Variants in AP2M1 observed in about 807,000 individuals in gnomAD.
AP2M1 encodes the protein AP-2 complex subunit mu.
In AP2M1, 5 loss-of-function variants were observed where a neutral mutation model predicts 54.5. The observed-to-expected ratio is 0.09, with a 90% CI of 0.05 to 0.19. The LOEUF is 0.19. Among genes scored for constraint, AP2M1 ranks in the 10% least tolerant of loss-of-function variants. The pLI is 1.00. For missense variants in AP2M1, 178 were observed against 580.2 expected, an observed-to-expected ratio of 0.31 and a Z score of 7.12; for synonymous variants, 186 against 208.2, an observed-to-expected ratio of 0.89 and a Z score of 0.92.
Position 184,181,551 on chromosome 3 carries a change from A to C in AP2M1, c.708-145A>C. ...CTTGCAAGGCTTCCCTCTCATCCCA[A>C]GCTCTGGGGCAGACCTCCGAGTCAC... On this transcript the variant is annotated intron_variant, in intron 7 of 11. Transcript: ENST00000292807. This position sits in a 1 kb window ranked among gnomAD's most constrained non-coding sequence, Gnocchi z 5.7. The C allele has an allele frequency of 8.5e-7, 1 of 1,181,574 alleles. No homozygotes were observed. The highest frequency in any genetic ancestry group is 1.2e-6 in the Non-Finnish European group (1 of 843,248). 73.2% of individuals were successfully genotyped at this position (1,181,574 alleles called of 1,614,324 possible).
Position 184,181,657 on chromosome 3 carries a change from C to T in AP2M1, c.708-39C>T. The T allele has an allele frequency of 6.2e-7, 1 of 1,611,150 alleles. No homozygotes were observed. Among genetic ancestry groups the T allele is most frequent in the Non-Finnish European group, 8.5e-7 (1 of 1,179,024 alleles). On this transcript the variant is annotated intron_variant, in intron 7 of 11. Coordinates refer to ENST00000292807, the MANE Select transcript of AP2M1 (RefSeq NM_004068.4). This position sits in a 1 kb window ranked among gnomAD's most constrained non-coding sequence, Gnocchi z 5.7. ...GTCTCCCAGCATGACAGCTGTCATT[C>T]TCCTGTACCAATGAGACCTCTTCTG...
intron 2 of AP2M1, chr3:184,177,775 T>G (rs1715124991): frequency 1.5e-6 from 1 of 666,864 alleles, no homozygotes; most frequent in East Asian, 2.7e-5. Flanking sequence ...AAGGGACCTA[T>G]CCTAGCCTCC....
Position 184,178,122 on chromosome 3 carries a change from C to T in AP2M1, c.75-735C>T. On this transcript the variant is annotated intron_variant, in intron 2 of 11. Transcript: ENST00000292807. The surrounding 1 kb of genome is among the most constrained non-coding windows in gnomAD (Gnocchi z 4.9). ...CTGCCTCACGGTGTGTGCCGCCCTC[C>T]CGGTGTGTTGTGTGTCTAACCCTCT... 7.1e-7 allele frequency: 1 copy of T among 1,415,618 alleles called. No homozygotes were observed. Among genetic ancestry groups the T allele is most frequent in the East Asian group, 2.5e-5 (1 of 40,282 alleles). The allele number at this position is 1,415,618 out of a possible 1,614,324, so 87.7% of individuals were successfully genotyped here. A position where few individuals can be genotyped will look rare whatever the true frequency, so the allele number is the denominator to read the frequency against.
Position 184,182,928 on chromosome 3 carries a change from C to A in AP2M1, c.1173+60C>A. ...GTATGCTGGAAGACCTCTTAGAGAT[C>A]ATTCCGATAAACTGCTGCACCTTAG... On this transcript the variant is annotated intron_variant, in intron 11 of 11. Transcript: ENST00000292807. This position sits in a 1 kb window ranked among gnomAD's most constrained non-coding sequence, Gnocchi z 5.5. 2 of 1,443,164 alleles carry A rather than the reference C, an allele frequency of 1.4e-6. No homozygotes were observed. Among genetic ancestry groups the A allele is most frequent in the Non-Finnish European group, 1.9e-6 (2 of 1,031,906 alleles). 89.4% of individuals were successfully genotyped at this position (1,443,164 alleles called of 1,614,324 possible).
intron 3 of AP2M1, chr3:184,179,356 G>T: frequency 1.8e-6 from 1 of 549,508 alleles, no homozygotes; most frequent in South Asian, 2.2e-5. Context: ...TCTTCCAAGG[G>T]GCTAGGAACC....
In AP2M1 at chr3:184,183,799, C is replaced by A. The variant is rs2109033087; in HGVS notation, c.*183C>A. On this transcript the variant is annotated 3_prime_UTR_variant, in exon 12 of 12. Coordinates refer to ENST00000292807, the MANE Select transcript of AP2M1 (RefSeq NM_004068.4). This position sits in a 1 kb window ranked among gnomAD's most constrained non-coding sequence, Gnocchi z 5.7. Reference sequence around the variant, plus strand: ...TGGGACCGGTGGAGCAGCCCCTGGGCTCCCTGGGCAGGGGAGTTCTGAGGC... The same window carrying A: ...TGGGACCGGTGGAGCAGCCCCTGGGATCCCTGGGCAGGGGAGTTCTGAGGC... The A allele has an allele frequency of 1.5e-6, 1 of 667,684 alleles. No individual in the cohort carries two copies. Among genetic ancestry groups the A allele is most frequent in the Non-Finnish European group, 2.5e-6 (1 of 405,418 alleles). 41.4% of individuals were successfully genotyped at this position (667,684 alleles called of 1,614,324 possible).
In AP2M1 at chr3:184,182,266, T is replaced by C; in HGVS notation, c.1061+18T>C. ...GTGTGGAAGTGAGTCTTTCCTTCAT[T>C]AGGCCACAGCAGGGCTCAAGATCCC... On this transcript the variant is annotated intron_variant, in intron 10 of 11. Coordinates refer to ENST00000292807, the MANE Select transcript of AP2M1 (RefSeq NM_004068.4). The surrounding 1 kb of genome is among the most constrained non-coding windows in gnomAD (Gnocchi z 5.5). 1 of 1,612,258 alleles carries C rather than the reference T, an allele frequency of 6.2e-7. No homozygotes were observed. The highest frequency in any genetic ancestry group is 1.1e-5 in the South Asian group (1 of 90,638).
intron 2 of AP2M1, 87 bp downstream of exon 2, chr3:184,177,154 C>T: frequency 7.2e-7 from 1 of 1,383,672 alleles, no homozygotes; most frequent in Non-Finnish European, 9.9e-7. Context: ...CCACCATTGG[C>T]TTGACTTGGG....
At chr3:184,177,791 G>A (rs1248870253) in intron 2 of AP2M1, 13 of 624,518 alleles carry the variant, frequency 2.1e-5, no homozygotes, top group African/African-American at 1.5e-4. Context: ...CCTCCGAGGC[G>A]CTAAAGAGTA....
At position 184,179,050 on chromosome 3, in the gene AP2M1, G is replaced by A. The variant is rs1451306432; in HGVS notation, c.268G>A (p.Ala90Thr). The A allele has an allele frequency of 5.6e-6, 9 of 1,614,174 alleles. No homozygotes were observed. The highest frequency in any genetic ancestry group is 1.7e-5 in the Admixed American group (1 of 60,034). ...EFLYKMCDVM[A>T]AYFGKISEEN... ...CCTCTATAAGATGTGTGACGTGATG[G>A]CTGCCTACTTTGGCAAGATCAGCGA... The change falls in exon 3 of 12, where the codon GCT becomes ACT. Residue 90 changes from alanine to threonine, a missense_variant. Around this residue, in one of 5 missense-constraint regions of AP2M1, gnomAD observed 115 missense variants for 331.2 expected, o/e 0.35. Transcript: ENST00000292807.
At chr3:184,177,285 A>G (rs151304119) in intron 2 of AP2M1, among the ~76,000 whole-genome samples, 138 of 152,320 alleles carry the variant, frequency 9.1e-4, no homozygotes, top group African/African-American at 3.2e-3. Flanking sequence ...GTGGAATGGC[A>G]TGGTCCCACA....
At chr3:184,177,781 C>T (rs1490268204) in intron 2 of AP2M1, 4 of 646,730 alleles carry the variant, frequency 6.2e-6, no homozygotes, top group Non-Finnish European at 1.0e-5. Context: ...CCTATCCTAG[C>T]CTCCGAGGCG....
In AP2M1 at chr3:184,180,793, A is replaced by C. The variant is rs1560126773; in HGVS notation, c.430-56A>C. The C allele has an allele frequency of 3.1e-6, 5 of 1,614,210 alleles. No homozygotes were observed. In the South Asian group the frequency reaches 5.5e-5, roughly 18 times the overall value. On this transcript the variant is annotated intron_variant, in intron 5 of 11. Transcript: ENST00000292807. This position sits in a 1 kb window ranked among gnomAD's most constrained non-coding sequence, Gnocchi z 4.9. ...AGGGTGGAGTGGGGATAGAGACAGG[A>C]TGATTAAAGGGACAGAGGAGTGAGG...
In AP2M1 at chr3:184,178,792, G is replaced by C. The variant is rs1353024467; in HGVS notation, c.75-65G>C. On this transcript the variant is annotated intron_variant, in intron 2 of 11. Transcript: ENST00000292807. The surrounding 1 kb of genome is among the most constrained non-coding windows in gnomAD (Gnocchi z 4.9). ...GAGGGTGGGGCTGTTAGCAGCTGTG[G>C]TTGATCCTTATGGGGTAAGGTTCAC... 6.3e-7 allele frequency: 1 copy of C among 1,577,540 alleles called. No homozygotes were observed. The highest frequency in any genetic ancestry group is 1.3e-5 in the African/African-American group (1 of 74,230).
chr3:184,175,757 C>T (rs1207450652), intron 1 of AP2M1, among the ~76,000 whole-genome samples: 2 of 152,110 alleles, frequency 1.3e-5, no homozygotes, highest in South Asian at 2.1e-4. Context: ...GGGTGCCCTT[C>T]GCTACCTACC....
chr3:184,177,715 C>T, intron 2 of AP2M1: 1 of 1,122,164 alleles, frequency 8.9e-7, no homozygotes. Flanking sequence ...AGAGCCACAG[C>T]CTGCCTTCTC....
intron 2 of AP2M1, chr3:184,177,915 GGC>G: frequency 8.4e-6 from 5 of 597,604 alleles, no homozygotes; most frequent in Non-Finnish European, 1.5e-5. Flanking sequence ...GGGCTGGCTT[GGC>G]CCTTGCGGGC....
In AP2M1 at chr3:184,180,071, T is replaced by C. The variant is rs1360574605; in HGVS notation, c.341-98T>C. On this transcript the variant is annotated intron_variant, in intron 3 of 11. Coordinates refer to ENST00000292807, the MANE Select transcript of AP2M1 (RefSeq NM_004068.4). This position sits in a 1 kb window ranked among gnomAD's most constrained non-coding sequence, Gnocchi z 4.9. Reference sequence around the variant, plus strand: ...AGACTTTCTTGCGGATGATCCCACATGGGCTTTGGGAGCTGTGCCGGTCAG... The same window carrying C: ...AGACTTTCTTGCGGATGATCCCACACGGGCTTTGGGAGCTGTGCCGGTCAG... The C allele has an allele frequency of 3.6e-6, 4 of 1,106,940 alleles. No individual in the cohort carries two copies. The highest frequency in any genetic ancestry group is 1.6e-5 in the African/African-American group (1 of 64,162). The allele number at this position is 1,106,940 out of a possible 1,614,324, so 68.6% of individuals were successfully genotyped here. A position where few individuals can be genotyped will look rare whatever the true frequency, so the allele number is the denominator to read the frequency against.
chr3:184,176,852 G>C lies in AP2M1; in HGVS notation c.-43-99G>C, dbSNP rs531208764. On this transcript the variant is annotated intron_variant, in intron 1 of 11. Transcript: ENST00000292807. ...GGGCTGCAGGGTCACTTACTAAAGGGTTGAGTCAGGAAAGAAGCTCCAGTG... is the reference window on the plus strand; with the variant it reads ...GGGCTGCAGGGTCACTTACTAAAGGCTTGAGTCAGGAAAGAAGCTCCAGTG... The C allele has an allele frequency of 2.2e-5, 17 of 786,014 alleles. No homozygotes were observed. In the African/African-American group the frequency reaches 3.0e-4, roughly 14 times the overall value. The allele number at this position is 786,014 out of a possible 1,614,324, so 48.7% of individuals were successfully genotyped here.
Sources: gnomAD v4.1 joint callset for allele counts (sites outside exome capture counted in the v4.1 genomes callset) on GRCh38, gnomAD v4.1.1 for gene constraint, gnomAD v4.1.1 regional missense constraint, Gnocchi (gnomAD v3.1) non-coding constraint, MANE v1.5 for transcripts, NCBI Gene and HGNC (gene_info 2026-07-23, HGNC 2026-07-21) for gene names.